WDFY3: variants seen among roughly 807,000 people sequenced by gnomAD.
The protein encoded by WDFY3 is WD repeat and FYVE domain containing 3.
A neutral mutation model predicts 409.6 loss-of-function variants in WDFY3; 66 were observed. The ratio of observed to expected loss-of-function variants is 0.16; its 90% confidence interval spans 0.13 to 0.20. The LOEUF is 0.20. WDFY3 is among the 10% of genes least tolerant of loss of function. The pLI is 1.00. For missense variants in WDFY3, 3,031 were observed against 4,298.1 expected (o/e 0.71, Z 8.24); for synonymous variants, 1,521 against 1,537.1 (o/e 0.99, Z 0.25).
At chr4:84,764,382 T>C (rs1403632604) in intron 32 of WDFY3, among the ~76,000 whole-genome samples, 1 of 152,234 alleles carries the variant, frequency 6.6e-6, no homozygotes, top group African/African-American at 2.4e-5. Flanking sequence ...AAATGTGATC[T>C]ATTTTTTGAG....
At chr4:84,890,827 A>G (rs1368147331) in intron 3 of WDFY3, among the ~76,000 whole-genome samples, 1 of 152,088 alleles carries the variant, frequency 6.6e-6, no homozygotes, top group Non-Finnish European at 1.5e-5. Flanking sequence ...TTCATTTTTA[A>G]TTGGAGAAAG....
In WDFY3 at chr4:84,780,146, G is replaced by A; in HGVS notation, c.4327C>T (p.Leu1443=). The change falls in exon 26 of 68, where the codon CTA becomes TTA. Residue 1443 remains leucine (L), a synonymous_variant. Transcript: ENST00000295888. The stretch of plus-strand genomic sequence containing the variant: ...ATTCTTTCCATTTCTTTGCTGGCTA[G>A]TGGGTTACTCTTGACCACACAAACC... The part of the protein sequence containing the change: ...ALVCVVKSNP[L]ASKEMERIKG... The A allele has an allele frequency of 6.2e-7, 1 of 1,610,390 alleles. No individual in the cohort carries two copies. Among genetic ancestry groups the A allele is most frequent in the Non-Finnish European group, 8.5e-7 (1 of 1,178,346 alleles).
At chr4:84,704,896 G>A (rs1731667557) in intron 54 of WDFY3, among the ~76,000 whole-genome samples, 1 of 152,074 alleles carries the variant, frequency 6.6e-6, no homozygotes, top group Admixed American at 6.6e-5. Flanking sequence ...AGTTCACATA[G>A]GACTACAAGC....
intron 3 of WDFY3, among the ~76,000 whole-genome samples, chr4:84,893,972 G>C (rs964162557): frequency 6.6e-6 from 1 of 150,838 alleles, no homozygotes; most frequent in African/African-American, 2.4e-5. Context: ...CTGGGCGACA[G>C]AGCAAGACTC....
intron 3 of WDFY3, among the ~76,000 whole-genome samples, chr4:84,864,965 C>T (rs1183955369): frequency 6.6e-6 from 1 of 152,060 alleles, no homozygotes; most frequent in African/African-American, 2.4e-5. Context: ...ACTGTGCTCA[C>T]TGCATCCTCG....
chr4:84,679,111 T>C lies in WDFY3; in HGVS notation c.9955A>G (p.Thr3319Ala), dbSNP rs1358964023. ...HRPRAASCRA[T>A]AAWCTDSGSD... is the part of the protein sequence containing the mutation. ...CCACTGTCAGTACACCAGGCGGCTG[T>C]TGCGCGGCAGGAGGCTGCCCGGGGC... is the stretch of plus-strand genomic sequence containing the variant. Residue 3319 changes from threonine to alanine, a missense_variant, in exon 65 of 68, where the codon ACA (threonine) becomes GCA (alanine). Transcript: ENST00000295888. 1.3e-5 allele frequency: 21 copies of C among 1,614,208 alleles called. No homozygotes were observed. Among genetic ancestry groups the C allele is most frequent in the African/African-American group, 5.3e-5 (4 of 75,052 alleles).
At chr4:84,673,070 T>C (rs974811204) in intron 67 of WDFY3, 79 bp from the exon 68 acceptor site, 4 of 1,583,368 alleles carry the variant, frequency 2.5e-6, no homozygotes, top group Non-Finnish European at 3.4e-6. Flanking sequence ...AATAATCGAA[T>C]GGAAAGCTTG....
intron 46 of WDFY3, among the ~76,000 whole-genome samples, chr4:84,723,410 A>AACTTATTT (rs1181655319): frequency 6.6e-6 from 1 of 152,198 alleles, no homozygotes; most frequent in African/African-American, 2.4e-5. Context: ...AACTCATTAA[A>AACTTATTT]ACTTATTTTT....
At chr4:84,704,870 G>C (rs539259984) in intron 54 of WDFY3, among the ~76,000 whole-genome samples, 3 of 152,270 alleles carry the variant, frequency 2.0e-5, no homozygotes, top group African/African-American at 2.4e-5. Context: ...TTGGCAGAGA[G>C]GGGGTGGGAA....
chr4:84,697,811 T>C (rs1043278562), intron 56 of WDFY3, among the ~76,000 whole-genome samples: 1 of 152,208 alleles, frequency 6.6e-6, no homozygotes, highest in African/African-American at 2.4e-5. Context: ...AGAAATGCAG[T>C]TGTTCAAATT....
chr4:84,790,048 GA>G (rs998042672), intron 21 of WDFY3, 141 bp from the exon 22 acceptor site: 143 of 931,058 alleles, frequency 1.5e-4, no homozygotes, highest in Middle Eastern at 3.0e-4. Flanking sequence ...TACAACTCTG[GA>G]AAAAAAAATG....
In WDFY3 at chr4:84,881,734, A is replaced by G. The variant is rs981910846; in HGVS notation, c.-32+15177T>C. 5.9e-5 allele frequency among the ~76,000 whole-genome samples: 9 copies of G among 152,152 alleles called. No individual in the cohort carries two copies. The East Asian group carries it at 1.7e-3, about 29-fold the overall frequency. On this transcript the variant is annotated intron_variant, in intron 3 of 67. Coordinates refer to ENST00000295888, the MANE Select transcript of WDFY3 (RefSeq NM_014991.6). ...AGACCCCGCCTCTACTCAAAATACAAAAGAATAGCCAGGCATGTTGTTGTA... is the reference window on the plus strand; with the variant it reads ...AGACCCCGCCTCTACTCAAAATACAGAAGAATAGCCAGGCATGTTGTTGTA...
chr4:84,945,086 T>A (rs1050552932), intron 1 of WDFY3, among the ~76,000 whole-genome samples: 7 of 152,152 alleles, frequency 4.6e-5, no homozygotes, highest in Non-Finnish European at 1.0e-4. Context: ...AGAATTCTGC[T>A]AACAAATCAA....
At position 84,789,713 on chromosome 4, in the gene WDFY3, C is replaced by A. The variant is rs1171907452; in HGVS notation, c.3669+13G>T. ...TATAAAACAGGTAGATTTACAAGTG[C>A]ACATACACTTACCTTTACAGTGTTA... is the stretch of plus-strand genomic sequence containing the variant. On this transcript the variant is annotated intron_variant, in intron 22 of 67. Transcript: ENST00000295888. 1 of 1,613,148 alleles carries A rather than the reference C, an allele frequency of 6.2e-7. No homozygotes were observed. Among genetic ancestry groups the A allele is most frequent in the African/African-American group, 1.3e-5 (1 of 74,740 alleles).
chr4:84,717,484 T>C (rs1734133537), intron 48 of WDFY3, among the ~76,000 whole-genome samples: 1 of 152,206 alleles, frequency 6.6e-6, no homozygotes, highest in Admixed American at 6.5e-5. Context: ...CAGTAATTAT[T>C]TGAAATATCT....
intron 64 of WDFY3, among the ~76,000 whole-genome samples, chr4:84,680,923 C>G (rs1247737176): frequency 1.3e-5 from 2 of 152,166 alleles, no homozygotes; most frequent in Admixed American, 6.5e-5. Flanking sequence ...CCTGAGGATA[C>G]TGAGCCCACC....
intron 1 of WDFY3, among the ~76,000 whole-genome samples, chr4:84,949,453 T>C (rs1030177407): frequency 6.6e-6 from 1 of 152,142 alleles, no homozygotes; most frequent in Non-Finnish European, 1.5e-5. Flanking sequence ...ATGTTCTAGA[T>C]TATAGCATAT....
rs778873730 is a variant in WDFY3, at chr4:84,787,663, T to C, written c.3720A>G (p.Pro1240=). 2 of 1,614,146 alleles carry C rather than the reference T, an allele frequency of 1.2e-6. No individual in the cohort carries two copies. The highest frequency in any genetic ancestry group is 2.2e-5 in the East Asian group (1 of 44,874). The part of the protein sequence containing the change: ...TPGGSGSANP[P]VVSTVYAYIG... ...TGTAGGCATAGACCGTGCTCACCAC[T>C]GGTGGATTTGCCGAACCTGAACCCC... The change falls in exon 23 of 68, where the codon CCA becomes CCG. Residue 1240 remains proline, a synonymous_variant. Transcript: ENST00000295888.
rs746927724 is a variant in WDFY3 at position 84,765,806 on chromosome 4, A to G, written c.5188+4T>C. The G allele has an allele frequency of 8.1e-6, 13 of 1,612,980 alleles. No homozygotes were observed. The Admixed American group carries it at 1.0e-4, about 12-fold the overall frequency. On this transcript the variant is annotated splice_donor_region_variant and intron_variant, in intron 32 of 67. Transcript: ENST00000295888. ...TCAAGCAGCTGACTAGAAAAGTCCC[A>G]TACCTAATACAGTTCCAATCTTATT...
Sources: gnomAD v4.1 joint callset for allele counts (sites outside exome capture counted in the v4.1 genomes callset) on GRCh38, gnomAD v4.1.1 for gene constraint, MANE v1.5 for transcripts, NCBI Gene and HGNC (gene_info 2026-07-23, HGNC 2026-07-21) for gene names.